Variants in MDGA2 observed in about 807,000 individuals in gnomAD.
MDGA2 encodes MAM domain-containing glycosylphosphatidylinositol anchor protein 2.
MDGA2 carries 40 observed loss-of-function variants against 117.8 expected under a neutral mutation model. The ratio of observed to expected loss-of-function variants is 0.34; its 90% CI spans 0.26 to 0.44. The LOEUF (loss-of-function observed/expected upper bound fraction) is 0.44, where lower values mean the gene tolerates loss of function less well. Ranked by LOEUF, MDGA2 falls within the 20% of genes least tolerant of loss-of-function variation. MDGA2 has a pLI of 1.00. For missense variants in MDGA2, 1,123 were observed against 1,250.6 expected, an observed-to-expected ratio of 0.90 and a Z score of 1.54; for synonymous variants, 452 against 439.0, an observed-to-expected ratio of 1.03 and a Z score of -0.37.
intron 8 of MDGA2, among the ~76,000 whole-genome samples, chr14:47,014,494 C>G (rs976187563): frequency 3.9e-5 from 6 of 152,178 alleles, no homozygotes; most frequent in African/African-American, 1.2e-4. Flanking sequence ...TTAGGGCTAG[C>G]CACCTTCACT....
intron 7 of MDGA2, among the ~76,000 whole-genome samples, chr14:47,050,735 C>T (rs142115491): frequency 8.5e-4 from 130 of 152,050 alleles, no homozygotes; most frequent in African/African-American, 3.0e-3. Flanking sequence ...TTGATCTGAA[C>T]TAAAGAAATT....
intron 8 of MDGA2, among the ~76,000 whole-genome samples, chr14:46,964,704 CTGAAG>C (rs1266463076): frequency 6.6e-6 from 1 of 152,110 alleles, no homozygotes; most frequent in Non-Finnish European, 1.5e-5. Flanking sequence ...GAATGTAATA[CTGAAG>C]TGGAGATTAA....
At chr14:47,659,734 A>G (rs758850204) in intron 1 of MDGA2, among the ~76,000 whole-genome samples, 1 of 152,222 alleles carries the variant, frequency 6.6e-6, no homozygotes, top group African/African-American at 2.4e-5. Flanking sequence ...GCAGAGAAAG[A>G]CTTTAAAAAG....
intron 3 of MDGA2, among the ~76,000 whole-genome samples, chr14:47,165,827 C>G (rs1465764371): frequency 6.6e-6 from 1 of 152,068 alleles, no homozygotes; most frequent in Non-Finnish European, 1.5e-5. Flanking sequence ...ATTTTTGGCT[C>G]TTGTAATAAA....
chr14:47,099,398 A>G (rs1196639601), intron 5 of MDGA2, among the ~76,000 whole-genome samples: 1 of 151,992 alleles, frequency 6.6e-6, no homozygotes, highest in Non-Finnish European at 1.5e-5. Flanking sequence ...AAAACATAAA[A>G]ATATTTTTGT....
At chr14:47,057,288 C>T (rs1229902808) in intron 7 of MDGA2, among the ~76,000 whole-genome samples, 6 of 151,982 alleles carry the variant, frequency 3.9e-5, no homozygotes, top group Admixed American at 1.3e-4. Context: ...TACAGAAGTC[C>T]GATCAAGCTT....
chr14:47,123,739 T>C lies in MDGA2; in HGVS notation c.925+7975A>G, dbSNP rs185238853. On this transcript the variant is annotated intron_variant, in intron 5 of 16. Coordinates refer to ENST00000399232, the MANE Select transcript of MDGA2 (RefSeq NM_001113498.3). ...CATATGCAGTGACAAAAGTCATCCA[T>C]AAAATGATCATGAACTTATTTCAAG... 5.0e-4 allele frequency among the ~76,000 whole-genome samples: 76 copies of C among 152,172 alleles called. 1 individual carries two copies. The highest frequency in any genetic ancestry group is 8.1e-4 in the Non-Finnish European group (55 of 67,926).
chr14:47,607,617 T>C (rs1896764958), intron 1 of MDGA2, among the ~76,000 whole-genome samples: 1 of 152,074 alleles, frequency 6.6e-6, no homozygotes, highest in African/African-American at 2.4e-5. Context: ...TTTGAGGGCA[T>C]AGAGGGCAGG....
rs898558492 is a variant in MDGA2, at chr14:47,085,512, C to T, written c.1195+11342G>A. 3.3e-5 allele frequency among the ~76,000 whole-genome samples: 5 copies of T among 152,092 alleles called. No homozygotes were observed. In the East Asian group the frequency reaches 9.6e-4, roughly 29 times the overall value. On this transcript the variant is annotated intron_variant, in intron 6 of 16. Coordinates refer to ENST00000399232, the MANE Select transcript of MDGA2 (RefSeq NM_001113498.3). The stretch of plus-strand genomic sequence containing the variant: ...GTTGGTTGGAACCACTTCATTCTTG[C>T]TCATGACAGCAGATTATATGCATTT...
At chr14:47,491,011 C>A (rs1014855147) in intron 1 of MDGA2, among the ~76,000 whole-genome samples, 3 of 151,950 alleles carry the variant, frequency 2.0e-5, no homozygotes, top group Non-Finnish European at 4.4e-5. Context: ...GAAGAATTGG[C>A]CTTTGATACT....
chr14:47,191,644 CA>C (rs1265297391), intron 3 of MDGA2, among the ~76,000 whole-genome samples: 1 of 151,864 alleles, frequency 6.6e-6, no homozygotes, highest in Non-Finnish European at 1.5e-5. Flanking sequence ...ACAAGATTAC[CA>C]AAGTAAGAAT....
At chr14:47,613,717 A>T (rs1051899410) in intron 1 of MDGA2, among the ~76,000 whole-genome samples, 3 of 152,196 alleles carry the variant, frequency 2.0e-5, no homozygotes, top group Non-Finnish European at 2.9e-5. Flanking sequence ...TCCTATCAAC[A>T]TTCATCACAC....
intron 1 of MDGA2, among the ~76,000 whole-genome samples, chr14:47,653,153 C>T (rs1013431537): frequency 2.6e-5 from 4 of 152,120 alleles, no homozygotes; most frequent in Non-Finnish European, 4.4e-5. Flanking sequence ...GAAATTGCCA[C>T]AGTTAAGGTC....
intron 1 of MDGA2, among the ~76,000 whole-genome samples, chr14:47,526,793 C>T (rs1290198713): frequency 6.6e-6 from 1 of 152,162 alleles, no homozygotes; most frequent in African/African-American, 2.4e-5. Flanking sequence ...CTGTTGTAAG[C>T]GTCTGACTTT....
chr14:47,207,849 A>G (rs1885742999), intron 3 of MDGA2, among the ~76,000 whole-genome samples: 1 of 152,026 alleles, frequency 6.6e-6, no homozygotes, highest in Admixed American at 6.5e-5. Flanking sequence ...CTTCACTTTC[A>G]GTTTAAGAGA....
At chr14:47,128,868 G>A in intron 5 of MDGA2, among the ~76,000 whole-genome samples, 1 of 151,658 alleles carries the variant, frequency 6.6e-6, no homozygotes, top group Non-Finnish European at 1.5e-5. Flanking sequence ...CTAATGTTTT[G>A]TATTTTGAGA....
chr14:46,953,620 C>A (rs1013894711), intron 9 of MDGA2, among the ~76,000 whole-genome samples: 2 of 143,490 alleles, frequency 1.4e-5, no homozygotes, highest in African/African-American at 5.6e-5. Context: ...CTTTTTTTCA[C>A]ATTATTGTCT....
intron 8 of MDGA2, among the ~76,000 whole-genome samples, chr14:47,005,220 G>A (rs1887669742): frequency 6.6e-6 from 1 of 151,600 alleles, no homozygotes; most frequent in Non-Finnish European, 1.5e-5. Context: ...AGAATATGAT[G>A]TTAACTAGGA....
At chr14:47,013,291 C>T (rs1371580470) in intron 8 of MDGA2, among the ~76,000 whole-genome samples, 1 of 152,128 alleles carries the variant, frequency 6.6e-6, no homozygotes, top group Non-Finnish European at 1.5e-5. Flanking sequence ...TTTATAGCAT[C>T]TTCATTAGCA....
Sources: gnomAD v4.1 joint callset for allele counts (sites outside exome capture counted in the v4.1 genomes callset) on GRCh38, gnomAD v4.1.1 for gene constraint, MANE v1.5 for transcripts, NCBI Gene and HGNC (gene_info 2026-07-23, HGNC 2026-07-21) for gene names.